Variants in PTGR2 observed in about 807,000 individuals in gnomAD.
The protein encoded by PTGR2 is prostaglandin reductase 2, also known as 15-oxoprostaglandin 13-reductase.
PTGR2 carries 32 observed loss-of-function variants against 43.4 expected under a neutral mutation model. The observed-to-expected ratio is 0.74, with a 90% CI of 0.56 to 0.99. The LOEUF is 0.99. Among genes scored for constraint, PTGR2 ranks in the 50% least tolerant of loss-of-function variants. PTGR2 has a pLI of 0.00. For missense variants in PTGR2, 373 were observed against 420.0 expected (o/e 0.89, Z 0.98); for synonymous variants, 106 against 139.2 (o/e 0.76, Z 1.68).
intron 9 of PTGR2, among the ~76,000 whole-genome samples, chr14:73,882,713 G>C (rs1296217006): frequency 6.7e-6 from 1 of 150,078 alleles, no homozygotes; most frequent in African/African-American, 2.5e-5. Flanking sequence ...TCTTAGCCAG[G>C]ATGGTATCGA....
chr14:73,852,280 C>CG (rs1225959993), intron 1 of PTGR2, among the ~76,000 whole-genome samples: 1 of 151,816 alleles, frequency 6.6e-6, no homozygotes, highest in Non-Finnish European at 1.5e-5. Flanking sequence ...GTGTGTGTGA[C>CG]GGAGTCTCGC....
chr14:73,883,709 C>T (rs1167411495), intron 9 of PTGR2, among the ~76,000 whole-genome samples: 1 of 152,102 alleles, frequency 6.6e-6, no homozygotes, highest in African/African-American at 2.4e-5. Flanking sequence ...TGGTCTTAAA[C>T]TCCTGACTTC....
Position 73,880,099 on chromosome 14 carries a change from G to T in PTGR2, c.774G>T (p.Gln258His). The change falls in exon 7 of 10, where the codon CAG becomes CAT. Residue 258 changes from glutamine to histidine, a missense_variant. Gln to His is a conservative substitution (Grantham distance 24, BLOSUM62 0). Transcript: ENST00000555661. Reference sequence around the variant, plus strand: ...TCATCCTGTGTGGTCAAATTTCTCAGTACAACAAAGATGTGCCTTATCCTC... The same window carrying T: ...TCATCCTGTGTGGTCAAATTTCTCATTACAACAAAGATGTGCCTTATCCTC... The part of the protein sequence containing the change: ...SHIILCGQIS[Q>H]YNKDVPYPPP... 6.2e-7 allele frequency: 1 copy of T among 1,613,854 alleles called. No homozygotes were observed. Among genetic ancestry groups the T allele is most frequent in the Admixed American group, 1.7e-5 (1 of 60,002 alleles).
rs778600195 is a variant in PTGR2, at chr14:73,880,116, C to T, written c.791C>T (p.Pro264Leu). 1 of 1,613,852 alleles carries T rather than the reference C, an allele frequency of 6.2e-7. No individual in the cohort carries two copies. The highest frequency in any genetic ancestry group is 8.5e-7 in the Non-Finnish European group (1 of 1,179,850). ...GQISQYNKDVPYPPPLSPAIE... is the reference protein window; with the variant it reads ...GQISQYNKDVLYPPPLSPAIE... ...ATTTCTCAGTACAACAAAGATGTGC[C>T]TTATCCTCCCCCGCTATCCCCTGCT... The change falls in exon 7 of 10, where the codon CCT (proline) becomes CTT (leucine). Residue 264 changes from proline to leucine, a missense_variant. Coordinates refer to ENST00000555661, the MANE Select transcript of PTGR2 (RefSeq NM_001146154.2).
chr14:73,865,025 G>C (rs1368250596), intron 3 of PTGR2, among the ~76,000 whole-genome samples: 1 of 152,104 alleles, frequency 6.6e-6, no homozygotes, highest in African/African-American at 2.4e-5. Flanking sequence ...TCTTTAGAGA[G>C]ACAGAAACAC....
In PTGR2 at chr14:73,874,292, T is replaced by C. The variant is rs2140264489; in HGVS notation, c.348+78T>C. 8 of 1,153,334 alleles carry C rather than the reference T, an allele frequency of 6.9e-6. No individual in the cohort carries two copies. The South Asian group carries it at 9.1e-5, about 13-fold the overall frequency. The allele number at this position is 1,153,334 out of a possible 1,614,324, so 71.4% of individuals were successfully genotyped here. Reference sequence around the variant, plus strand: ...TGTGCATTTGATATTCAGTTGTGTTTGTAATCAGGGAAAAATAAAAGCATA... The same window carrying C: ...TGTGCATTTGATATTCAGTTGTGTTCGTAATCAGGGAAAAATAAAAGCATA... On this transcript the variant is annotated intron_variant, in intron 4 of 9. Transcript: ENST00000555661.
At position 73,874,173 on chromosome 14, in the gene PTGR2, T is replaced by G. The variant is rs1393913355; in HGVS notation, c.307T>G (p.Trp103Gly). The change falls in exon 4 of 10, where the codon TGG (tryptophan) becomes GGG (glycine). Residue 103 changes from tryptophan to glycine, a missense_variant. Physicochemically the swap from Trp to Gly is radical, Grantham distance 184. Coordinates refer to ENST00000555661, the MANE Select transcript of PTGR2 (RefSeq NM_001146154.2). ...TTTTGTGACTTCTTTCTATTGGCCC[T>G]GGCAAACCAAGGTTATTCTGGATGG... ...GDFVTSFYWPWQTKVILDGNS... is the reference protein window; with the variant it reads ...GDFVTSFYWPGQTKVILDGNS... 1 of 1,613,920 alleles carries G rather than the reference T, an allele frequency of 6.2e-7. No individual in the cohort carries two copies. Among genetic ancestry groups the G allele is most frequent in the African/African-American group, 1.3e-5 (1 of 75,044 alleles).
chr14:73,873,090 G>A (rs1482760303), intron 3 of PTGR2, among the ~76,000 whole-genome samples: 3 of 151,442 alleles, frequency 2.0e-5, no homozygotes, highest in Non-Finnish European at 2.9e-5. Context: ...GGCAGTACAC[G>A]TGAGGTTGGG....
In PTGR2 at chr14:73,879,314, C is replaced by T. The variant is rs2054930563; in HGVS notation, c.729+9C>T. Reference sequence around the variant, plus strand: ...ATACAGTGATAAGTCAGGTTGTTTGCTGATTTCTATAACAAATTTGAATAC... The same window carrying T: ...ATACAGTGATAAGTCAGGTTGTTTGTTGATTTCTATAACAAATTTGAATAC... On this transcript the variant is annotated intron_variant, in intron 6 of 9. Transcript: ENST00000555661. The T allele has an allele frequency of 1.2e-6, 2 of 1,611,198 alleles. No individual in the cohort carries two copies. The highest frequency in any genetic ancestry group is 1.7e-6 in the Non-Finnish European group (2 of 1,177,728).
At chr14:73,867,088 CA>C (rs200945001) in intron 3 of PTGR2, among the ~76,000 whole-genome samples, 193 of 100,078 alleles carry the variant, frequency 1.9e-3, no homozygotes, top group African/African-American at 4.7e-3. Context: ...GACTCTGTCT[CA>C]AAAAAAAAAA....
chr14:73,871,986 C>T (rs1295775368), intron 3 of PTGR2, among the ~76,000 whole-genome samples: 1 of 152,124 alleles, frequency 6.6e-6, no homozygotes, highest in Admixed American at 6.6e-5. Context: ...TTCTCTGTTT[C>T]GTCTTTTACC....
At chr14:73,883,981 T>C (rs1390995295) in intron 9 of PTGR2, 120 bp from the exon 10 acceptor site, 3 of 664,980 alleles carry the variant, frequency 4.5e-6, no homozygotes, top group Non-Finnish European at 7.7e-6. Flanking sequence ...TTTTCTTCTA[T>C]GCTTAATATT....
intron 8 of PTGR2, among the ~76,000 whole-genome samples, chr14:73,881,769 A>ATT (rs2054993272): frequency 1.2e-5 from 1 of 84,864 alleles, no homozygotes; most frequent in African/African-American, 5.0e-5. Context: ...GGCCTAGGCT[A>ATT]TTCTTTTTTT....
chr14:73,868,768 A>G (rs569877910), intron 3 of PTGR2, among the ~76,000 whole-genome samples: 36 of 142,130 alleles, frequency 2.5e-4, no homozygotes, highest in African/African-American at 9.1e-4. Context: ...TCCTGTGGAA[A>G]CCAAAGATAC....
chr14:73,879,293 A>G lies in PTGR2; in HGVS notation c.717A>G (p.Thr239=). 1 of 1,613,976 alleles carries G rather than the reference A, an allele frequency of 6.2e-7. No homozygotes were observed. Among genetic ancestry groups the G allele is most frequent in the South Asian group, 1.1e-5 (1 of 91,080 alleles). The change falls in exon 6 of 10, where the codon ACA becomes ACG. Residue 239 remains threonine (T), a synonymous_variant. Coordinates refer to ENST00000555661, the MANE Select transcript of PTGR2 (RefSeq NM_001146154.2). ...FDNVGGNISD[T]VISQMNENSH... ...ATGTTGGTGGTAACATCAGTGATACAGTGATAAGTCAGGTTGTTTGCTGAT... is the reference window on the plus strand; with the variant it reads ...ATGTTGGTGGTAACATCAGTGATACGGTGATAAGTCAGGTTGTTTGCTGAT...
In PTGR2 at chr14:73,883,043, ACTC is replaced by A. The variant is rs374325339; in HGVS notation, c.979+608_979+610del. Among the ~76,000 whole-genome samples, 50 of 136,688 alleles carry A rather than the reference ACTC, an allele frequency of 3.7e-4. 1 individual carries two copies. In the East Asian group the frequency reaches 8.5e-3, roughly 23 times the overall value. The allele number at this position is 136,688 out of a possible 152,430, so 89.7% of individuals were successfully genotyped here. ...AACATATTGGCCAGGCTGGTCTTGA[ACTC>A]CTGAATTCAAGTGATTTGCCTGCCT... On this transcript the variant is annotated intron_variant, in intron 9 of 9. Coordinates refer to ENST00000555661, the MANE Select transcript of PTGR2 (RefSeq NM_001146154.2).
chr14:73,864,990 G>A (rs2054570852), intron 3 of PTGR2, among the ~76,000 whole-genome samples: 1 of 152,124 alleles, frequency 6.6e-6, no homozygotes, highest in Non-Finnish European at 1.5e-5. Context: ...ATGCGTATGA[G>A]GAAGGGGTCT....
chr14:73,878,934 C>T, intron 5 of PTGR2, 162 bp from the exon 6 acceptor site: 1 of 599,560 alleles, frequency 1.7e-6, no homozygotes, highest in Non-Finnish European at 2.9e-6. Flanking sequence ...ATTGTCTGCC[C>T]TCAGTTCTTT....
At chr14:73,867,487 ATTTC>A (rs1305538069) in intron 3 of PTGR2, among the ~76,000 whole-genome samples, 1 of 151,358 alleles carries the variant, frequency 6.6e-6, no homozygotes, top group Non-Finnish European at 1.5e-5. Context: ...GTGTTCATTA[ATTTC>A]TTTCTGTCTT....
Sources: allele counts gnomAD v4.1 joint callset (sites outside exome capture counted in the v4.1 genomes callset), GRCh38; gene constraint gnomAD v4.1.1; transcripts MANE v1.5; gene names NCBI Gene and HGNC (gene_info 2026-07-23, HGNC 2026-07-21).